CA10: variants seen among roughly 807,000 people sequenced by gnomAD.
The protein encoded by CA10 is carbonic anhydrase-related protein 10.
Under a neutral mutation model 44.2 loss-of-function variants are expected in CA10, and 14 were observed. The observed-to-expected ratio is 0.32, with a 90% CI of 0.21 to 0.50. The LOEUF (loss-of-function observed/expected upper bound fraction) is 0.50. Ranked by LOEUF, CA10 falls within the 20% of genes least tolerant of loss-of-function variation. CA10 has a pLI of 0.99. For missense variants in CA10, 350 were observed against 409.7 expected (o/e 0.85, Z 1.26); for synonymous variants, 159 against 141.6 (o/e 1.12, Z -0.87).
intron 3 of CA10, among the ~76,000 whole-genome samples, chr17:51,806,136 G>A (rs1907127021): frequency 6.6e-6 from 1 of 152,222 alleles, no homozygotes; most frequent in African/African-American, 2.4e-5. Flanking sequence ...TCTCCCAGGA[G>A]CATTGGGAGA....
intron 2 of CA10, among the ~76,000 whole-genome samples, chr17:51,952,081 CTACTT>C (rs1983504978): frequency 6.6e-6 from 1 of 152,164 alleles, no homozygotes; most frequent in South Asian, 2.1e-4. Context: ...AAATGGAACT[CTACTT>C]TCTATTAGAA....
intron 7 of CA10, among the ~76,000 whole-genome samples, 170 bp from the exon 8 acceptor site, chr17:51,633,820 C>T (rs1289789676): frequency 3.3e-5 from 5 of 152,052 alleles, no homozygotes; most frequent in Non-Finnish European, 1.5e-5. Context: ...AGCTGAAGGC[C>T]CATTATACCT....
chr17:51,731,672 AAG>A (rs1491366510), intron 4 of CA10, among the ~76,000 whole-genome samples: 19 of 96,948 alleles, frequency 2.0e-4, no homozygotes, highest in Non-Finnish European at 3.5e-4. Context: ...AAAAAAAAAA[AAG>A]ATTTATTTAT....
chr17:52,057,574 CAA>C (rs756586568), intron 2 of CA10, among the ~76,000 whole-genome samples: 107 of 152,084 alleles, frequency 7.0e-4, no homozygotes, highest in Non-Finnish European at 1.3e-3. Context: ...TTGGGGGAGT[CAA>C]AGTTATACAT....
intron 2 of CA10, among the ~76,000 whole-genome samples, chr17:52,055,845 CCAT>C (rs1487867145): frequency 6.6e-6 from 1 of 151,988 alleles, no homozygotes; most frequent in Non-Finnish European, 1.5e-5. Context: ...CAGGGGAAAC[CCAT>C]CATATCTCTA....
chr17:51,858,098 C>T (rs1333771829), intron 3 of CA10, among the ~76,000 whole-genome samples: 1 of 152,010 alleles, frequency 6.6e-6, no homozygotes, highest in Non-Finnish European at 1.5e-5. Context: ...AGAAATGACT[C>T]ATTATATATC....
chr17:51,685,469 G>T (rs143168041), intron 4 of CA10, among the ~76,000 whole-genome samples: 5 of 152,252 alleles, frequency 3.3e-5, no homozygotes, highest in Admixed American at 6.5e-5. Flanking sequence ...TGTTATTGAT[G>T]CTAATGACCC....
intron 3 of CA10, among the ~76,000 whole-genome samples, chr17:51,929,438 C>T (rs113997587): frequency 1.0e-3 from 159 of 152,290 alleles, no homozygotes; most frequent in African/African-American, 3.6e-3. Context: ...TCCTCTCTAG[C>T]CTACCATCTT....
intron 8 of CA10, among the ~76,000 whole-genome samples, chr17:51,632,454 G>T (rs1912624371): frequency 6.6e-6 from 1 of 152,200 alleles, no homozygotes; most frequent in Admixed American, 6.6e-5. Flanking sequence ...GGGGGAAGTA[G>T]GAGGAATGAA....
chr17:51,917,104 A>T (rs1407679304), intron 3 of CA10, among the ~76,000 whole-genome samples: 1 of 152,156 alleles, frequency 6.6e-6, no homozygotes, highest in African/African-American at 2.4e-5. Context: ...GTGTGCTGAT[A>T]AATCTCTATC....
In CA10 at chr17:51,972,862, G is replaced by A. The variant is rs77496847; in HGVS notation, c.137-41730C>T. On this transcript the variant is annotated intron_variant, in intron 2 of 8. Transcript: ENST00000451037. ...AAACATGAAGGCCAGCTTATCAAGA[G>A]ACCATCCAAATGCTACCTATATAAA... Among the ~76,000 whole-genome samples the A allele has an allele frequency of 9.7e-3, 1,477 of 152,030 alleles. 22 individuals carry two copies. Among genetic ancestry groups the A allele is most frequent in the African/African-American group, 0.033 (1,379 of 41,502 alleles).
chr17:51,718,456 C>T (rs1916246338), intron 4 of CA10, among the ~76,000 whole-genome samples: 1 of 152,144 alleles, frequency 6.6e-6, no homozygotes, highest in Non-Finnish European at 1.5e-5. Flanking sequence ...TCTAGAGGTT[C>T]CTGGAAGGCA....
intron 5 of CA10, among the ~76,000 whole-genome samples, chr17:51,652,502 G>A (rs1252582637): frequency 6.6e-6 from 1 of 152,226 alleles, no homozygotes; most frequent in Non-Finnish European, 1.5e-5. Context: ...ACCAGAGGAG[G>A]TTGAGGTTAG....
intron 4 of CA10, among the ~76,000 whole-genome samples, chr17:51,709,644 T>G (rs987712084): frequency 6.6e-6 from 1 of 152,222 alleles, no homozygotes; most frequent in African/African-American, 2.4e-5. Context: ...GAAGTGGAAC[T>G]TACTAGACAG....
chr17:51,674,736 G>A (rs747358645), intron 4 of CA10, among the ~76,000 whole-genome samples: 4 of 152,124 alleles, frequency 2.6e-5, no homozygotes, highest in African/African-American at 9.7e-5. Context: ...ATTTCCAGCA[G>A]TTCACTTAAC....
intron 1 of CA10, among the ~76,000 whole-genome samples, chr17:52,136,419 A>G (rs1156521638): frequency 2.0e-5 from 3 of 152,228 alleles, no homozygotes; most frequent in Admixed American, 2.0e-4. Flanking sequence ...ATCTGTCAAC[A>G]GGACGGCTGA....
At chr17:51,852,759 C>G (rs1483625389) in intron 3 of CA10, among the ~76,000 whole-genome samples, 1 of 152,148 alleles carries the variant, frequency 6.6e-6, no homozygotes, top group Non-Finnish European at 1.5e-5. Context: ...GAACTCCACT[C>G]ACAGTGTTGT....
chr17:52,029,280 T>C lies in CA10; in HGVS notation c.136+43039A>G, dbSNP rs148012160. 8.5e-3 allele frequency among the ~76,000 whole-genome samples: 1,294 copies of C among 152,226 alleles called. 9 individuals are homozygous for C. Among genetic ancestry groups the C allele is most frequent in the Middle Eastern group, 0.02 (6 of 294 alleles). ...GATTTAGGTAGATCATCATAGGAGA[T>C]GAAAAATTATCATCTCAAATTTAAG... is the stretch of plus-strand genomic sequence containing the variant. On this transcript the variant is annotated intron_variant, in intron 2 of 8. Transcript: ENST00000451037.
At chr17:52,082,464 G>T (rs1988009037) in intron 1 of CA10, among the ~76,000 whole-genome samples, 1 of 152,010 alleles carries the variant, frequency 6.6e-6, no homozygotes, top group Non-Finnish European at 1.5e-5. Context: ...AGTTATTTTA[G>T]TAGCTATGCC....
Sources: gnomAD v4.1 joint callset for allele counts (sites outside exome capture counted in the v4.1 genomes callset) on GRCh38, gnomAD v4.1.1 for gene constraint, MANE v1.5 for transcripts, NCBI Gene and HGNC (gene_info 2026-07-23, HGNC 2026-07-21) for gene names.